Variants in SGCD observed in about 807,000 individuals in gnomAD.
SGCD encodes delta-sarcoglycan.
A neutral mutation model predicts 36.6 loss-of-function variants in SGCD; 18 were observed. The ratio of observed to expected loss-of-function variants is 0.49; its 90% CI spans 0.34 to 0.73. SGCD has a LOEUF of 0.73. Ranked by LOEUF, SGCD falls within the 30% of genes least tolerant of loss-of-function variation. SGCD has a pLI of 0.01. For missense variants in SGCD, 387 were observed against 346.7 expected, an observed-to-expected ratio of 1.12 and a Z score of -0.92; for synonymous variants, 133 against 130.6, an observed-to-expected ratio of 1.02 and a Z score of -0.12.
intron 7 of SGCD, among the ~76,000 whole-genome samples, chr5:156,754,237 A>G (rs1158932289): frequency 2.0e-5 from 3 of 152,228 alleles, no homozygotes; most frequent in Non-Finnish European, 4.4e-5. Flanking sequence ...CTGAAATGCC[A>G]GTCCTGCATC....
chr5:155,989,037 C>T (rs1007874448), intron 1 of SGCD, among the ~76,000 whole-genome samples: 10 of 152,158 alleles, frequency 6.6e-5, no homozygotes, highest in African/African-American at 2.4e-4. Flanking sequence ...TGCCAGGATG[C>T]TCCTTTTCTT....
rs1757532095 is a variant in SGCD, at chr5:156,763,412, A to ATAAT, written c.*4024_*4027dup. ...CTTGAAGAGTTAGTGAGACCAACAA[A>ATAAT]TAATTGGAAGTATTGGAAAAAGCAA... On this transcript the variant is annotated 3_prime_UTR_variant, in exon 9 of 9. Transcript: ENST00000337851. The ATAAT allele has an allele frequency of 6.6e-6, 1 of 152,624 alleles. No individual in the cohort carries two copies. Among genetic ancestry groups the ATAAT allele is most frequent in the Non-Finnish European group, 1.5e-5 (1 of 68,046 alleles). 9.5% of individuals were successfully genotyped at this position (152,624 alleles called of 1,614,324 possible).
intron 3 of SGCD, among the ~76,000 whole-genome samples, chr5:156,294,885 AG>A (rs1426455899): frequency 8.5e-5 from 13 of 152,116 alleles, no homozygotes; most frequent in Admixed American, 8.5e-4. Flanking sequence ...TTGGTTTGCT[AG>A]TATTTTGTTG....
intron 3 of SGCD, among the ~76,000 whole-genome samples, chr5:156,397,891 A>T (rs1771947174): frequency 1.3e-5 from 2 of 152,150 alleles, no homozygotes; most frequent in Non-Finnish European, 2.9e-5. Flanking sequence ...GTTGTTCTCC[A>T]TCTCTCTTGC....
intron 4 of SGCD, among the ~76,000 whole-genome samples, chr5:156,580,544 C>T (rs149540483): frequency 3.3e-4 from 51 of 152,296 alleles, no homozygotes; most frequent in South Asian, 2.1e-4. Flanking sequence ...ACCAATGAAA[C>T]GTAGATTTGG....
intron 3 of SGCD, among the ~76,000 whole-genome samples, chr5:156,195,019 A>G (rs1297969568): frequency 6.6e-6 from 1 of 152,202 alleles, no homozygotes; most frequent in African/African-American, 2.4e-5. Flanking sequence ...GAACACAGAA[A>G]TAAATCACAG....
At chr5:156,306,765 T>C (rs1767224178) in intron 3 of SGCD, among the ~76,000 whole-genome samples, 1 of 152,230 alleles carries the variant, frequency 6.6e-6, no homozygotes, top group South Asian at 2.1e-4. Context: ...TGGACAGTTG[T>C]TCAATTTCGT....
chr5:156,471,710 A>T (rs1484162506), intron 3 of SGCD, among the ~76,000 whole-genome samples: 2 of 152,106 alleles, frequency 1.3e-5, no homozygotes, highest in East Asian at 3.8e-4. Context: ...AGAAAACATA[A>T]AGAGATTATC....
rs1478019026 is a variant in SGCD at position 156,765,070 on chromosome 5, T to C, written c.*5680T>C. 1 of 152,190 alleles carries C rather than the reference T, an allele frequency of 6.6e-6. No homozygotes were observed. Among genetic ancestry groups the C allele is most frequent in the Non-Finnish European group, 1.5e-5 (1 of 68,034 alleles). 9.4% of individuals were successfully genotyped at this position (152,190 alleles called of 1,614,324 possible). On this transcript the variant is annotated 3_prime_UTR_variant, in exon 9 of 9. Transcript: ENST00000337851. Reference sequence around the variant, plus strand: ...CACTGAACATTAGCTAAGGTCAGCTTAATAACACAAATATGAGGCCGACTT... The same window carrying C: ...CACTGAACATTAGCTAAGGTCAGCTCAATAACACAAATATGAGGCCGACTT...
In SGCD at chr5:155,923,879, A is replaced by G. The variant is rs183493686; in HGVS notation, c.-282+53455A>G. On this transcript the variant is annotated intron_variant, in intron 1 of 9. Coordinates refer to the SGCD transcript ENST00000517913. ...TTATAAAACACATTTGTGATATTTG[A>G]TCTTCATAAACACCCTGTTAGGTAA... Among the ~76,000 whole-genome samples the G allele has an allele frequency of 3.7e-3, 570 of 152,302 alleles. 3 individuals carry two copies. Among genetic ancestry groups the G allele is most frequent in the Non-Finnish European group, 6.1e-3 (416 of 68,022 alleles).
chr5:156,048,748 C>A (rs1371104601), intron 1 of SGCD, among the ~76,000 whole-genome samples: 1 of 152,056 alleles, frequency 6.6e-6, no homozygotes, highest in African/African-American at 2.4e-5. Flanking sequence ...GAGTAGATTG[C>A]AAAATTTTTC....
chr5:156,072,836 G>A (rs568057627), intron 1 of SGCD, among the ~76,000 whole-genome samples: 17 of 152,048 alleles, frequency 1.1e-4, no homozygotes, highest in South Asian at 8.3e-4. Context: ...GTTTCTTTTT[G>A]TTCTTTTTTC....
chr5:156,261,601 A>G (rs1765867424), intron 3 of SGCD, among the ~76,000 whole-genome samples: 1 of 152,224 alleles, frequency 6.6e-6, no homozygotes, highest in Non-Finnish European at 1.5e-5. Flanking sequence ...TTTTATCATT[A>G]TTTTAGAGTG....
chr5:156,292,976 G>A (rs1187663198), intron 3 of SGCD, among the ~76,000 whole-genome samples: 1 of 151,740 alleles, frequency 6.6e-6, no homozygotes, highest in Non-Finnish European at 1.5e-5. Context: ...CTGAGTTTTA[G>A]GAGTTCTCTC....
intron 1 of SGCD, among the ~76,000 whole-genome samples, chr5:155,876,417 C>A (rs1223754182): frequency 1.3e-5 from 2 of 151,930 alleles, no homozygotes; most frequent in Non-Finnish European, 2.9e-5. Context: ...AAACACATTG[C>A]AAAGCACCAC....
intron 3 of SGCD, among the ~76,000 whole-genome samples, chr5:156,442,812 A>G (rs1753555506): frequency 6.6e-6 from 1 of 152,210 alleles, no homozygotes; most frequent in Admixed American, 6.5e-5. Context: ...AATAACACAG[A>G]AAATGTCCTT....
chr5:155,860,511 A>G, the SGCD span, among the ~76,000 whole-genome samples: 2 of 152,236 alleles, frequency 1.3e-5, no homozygotes, highest in Non-Finnish European at 2.9e-5. Context: ...CTGGACAACC[A>G]TATCAGAACT....
At chr5:156,345,186 C>G (rs1768884162) in intron 3 of SGCD, among the ~76,000 whole-genome samples, 2 of 151,974 alleles carry the variant, frequency 1.3e-5, no homozygotes, top group Admixed American at 1.3e-4. Context: ...GAGGACGATC[C>G]TCTTTGCCAC....
At chr5:155,899,024 G>A (rs1282423030) in intron 1 of SGCD, among the ~76,000 whole-genome samples, 1 of 152,164 alleles carries the variant, frequency 6.6e-6, no homozygotes, top group East Asian at 1.9e-4. Flanking sequence ...GGGACATGGG[G>A]TTATGGAAAA....
Sources: allele counts gnomAD v4.1 joint callset (sites outside exome capture counted in the v4.1 genomes callset), GRCh38; gene constraint gnomAD v4.1.1; transcripts MANE v1.5; gene names NCBI Gene and HGNC (gene_info 2026-07-23, HGNC 2026-07-21).